The following LRRTM4 variants were observed in gnomAD, a reference collection of about 807,000 sequenced individuals.
The protein encoded by LRRTM4 is leucine-rich repeat transmembrane neuronal protein 4.
In LRRTM4, 25 loss-of-function variants were observed where a neutral mutation model predicts 47.6. The observed-to-expected ratio is 0.53, with a 90% CI of 0.38 to 0.73. The LOEUF (loss-of-function observed/expected upper bound fraction) is 0.73. LRRTM4 is among the 30% of genes least tolerant of loss of function. The pLI is 0.00. For synonymous variants in LRRTM4, 311 were observed against 269.5 expected (o/e 1.15, Z -1.51); for missense variants, 638 against 713.4 (o/e 0.89, Z 1.20).
chr2:77,513,086 T>C (rs1379523136), intron 3 of LRRTM4, among the ~76,000 whole-genome samples: 1 of 152,188 alleles, frequency 6.6e-6, no homozygotes, highest in Non-Finnish European at 1.5e-5. Flanking sequence ...TTTAAGTGCT[T>C]TCAAAATATC....
At chr2:77,250,931 C>T (rs1158024079) in intron 3 of LRRTM4, among the ~76,000 whole-genome samples, 1 of 151,924 alleles carries the variant, frequency 6.6e-6, no homozygotes, top group African/African-American at 2.4e-5. Flanking sequence ...TGGAGAAACC[C>T]CATCTCTACT....
At chr2:76,826,741 G>A (rs1248612467) in intron 3 of LRRTM4, among the ~76,000 whole-genome samples, 1 of 151,784 alleles carries the variant, frequency 6.6e-6, no homozygotes, top group East Asian at 1.9e-4. Flanking sequence ...CAGGAAATAT[G>A]GGCATCACAC....
chr2:77,150,041 A>C (rs1176785), intron 3 of LRRTM4, among the ~76,000 whole-genome samples: 67,960 of 151,884 alleles, frequency 0.45, 17,828 homozygotes, highest in African/African-American at 0.73. Flanking sequence ...TTTCTAGCTG[A>C]CTCTTGGAAG....
intron 3 of LRRTM4, among the ~76,000 whole-genome samples, chr2:76,990,145 G>C (rs1676952296): frequency 6.6e-6 from 1 of 151,634 alleles, no homozygotes; most frequent in Non-Finnish European, 1.5e-5. Flanking sequence ...CAGGGAAATT[G>C]TGAAAAAATA....
Position 76,819,293 on chromosome 2 carries a change from TGAGGAAACTGAATCATG to T in LRRTM4, c.1552-70394_1552-70378del, listed in dbSNP as rs1389030001. ...GTTAATATTTTTCTCATTATACAGA[TGAGGAAACTGAATCATG>T]GAGAAGTTACATTATTTGTCTACAG... is the stretch of plus-strand genomic sequence containing the variant. On this transcript the variant is annotated intron_variant, in intron 3 of 3. Coordinates refer to ENST00000409884, the MANE Select transcript of LRRTM4 (RefSeq NM_001134745.3). 9.9e-5 allele frequency among the ~76,000 whole-genome samples: 15 copies of T among 151,920 alleles called. No individual in the cohort carries two copies. The East Asian group carries it at 2.5e-3, about 25-fold the overall frequency.
chr2:77,367,973 CT>C (rs1399585537), intron 3 of LRRTM4, among the ~76,000 whole-genome samples: 34 of 151,676 alleles, frequency 2.2e-4, no homozygotes, highest in Admixed American at 1.1e-3. Flanking sequence ...TTTTAGGTGC[CT>C]TTTTTCATCG....
At chr2:77,049,857 A>G (rs1679370716) in intron 3 of LRRTM4, among the ~76,000 whole-genome samples, 1 of 151,934 alleles carries the variant, frequency 6.6e-6, no homozygotes, top group Non-Finnish European at 1.5e-5. Flanking sequence ...TGTTCATGAA[A>G]TCTTTGCCCA....
chr2:77,304,340 G>C (rs1334759304), intron 3 of LRRTM4, among the ~76,000 whole-genome samples: 4 of 152,028 alleles, frequency 2.6e-5, no homozygotes, highest in Non-Finnish European at 5.9e-5. Context: ...GATTTTGTTT[G>C]GATGTTAAGC....
chr2:76,807,473 T>TTAAATCAACTTTGGGG (rs1558667694), intron 3 of LRRTM4, among the ~76,000 whole-genome samples: 2 of 106,660 alleles, frequency 1.9e-5, no homozygotes, highest in African/African-American at 7.7e-5. Flanking sequence ...TATATATACA[T>TTAAATCAACTTTGGGG]ATATATATAT....
chr2:77,508,202 G>A (rs994534351), intron 3 of LRRTM4, among the ~76,000 whole-genome samples: 2 of 152,128 alleles, frequency 1.3e-5, no homozygotes, highest in African/African-American at 4.8e-5. Context: ...CTTCTCCAGC[G>A]AGATCTATAA....
chr2:76,797,140 A>T (rs1433059417), intron 3 of LRRTM4, among the ~76,000 whole-genome samples: 1 of 152,044 alleles, frequency 6.6e-6, no homozygotes, highest in African/African-American at 2.4e-5. Context: ...CCTCGAGAAG[A>T]GCTACTCCAA....
chr2:77,292,483 G>A (rs1237062263), intron 3 of LRRTM4, among the ~76,000 whole-genome samples: 1 of 151,610 alleles, frequency 6.6e-6, no homozygotes, highest in Non-Finnish European at 1.5e-5. Context: ...TTAAGAAAAT[G>A]TGGCACATCT....
At position 76,834,831 on chromosome 2, in the gene LRRTM4, T is replaced by A. The variant is rs139133414; in HGVS notation, c.1552-85915A>T. ...AGAAATACCAGGGCATATTATGTTA[T>A]GCAATAGTACTTGAATAAATGCCAA... On this transcript the variant is annotated intron_variant, in intron 3 of 3. Transcript: ENST00000409884. Among the ~76,000 whole-genome samples, 379 of 152,284 alleles carry A rather than the reference T, an allele frequency of 2.5e-3. 2 individuals are homozygous for A. The highest frequency in any genetic ancestry group is 8.7e-3 in the African/African-American group (363 of 41,578).
intron 3 of LRRTM4, among the ~76,000 whole-genome samples, chr2:77,510,102 A>G (rs1279352998): frequency 6.6e-6 from 1 of 152,186 alleles, no homozygotes; most frequent in Non-Finnish European, 1.5e-5. Flanking sequence ...GAAACAATTG[A>G]CAAGAGTGGT....
chr2:76,780,653 C>T (rs965456560), intron 3 of LRRTM4, among the ~76,000 whole-genome samples: 7 of 152,242 alleles, frequency 4.6e-5, no homozygotes, highest in South Asian at 2.1e-4. Flanking sequence ...TCTAGTAATA[C>T]ATTCTTCTAA....
In LRRTM4 at chr2:77,127,862, C is replaced by T. The variant is rs141426790; in HGVS notation, c.1552-378946G>A. Reference sequence around the variant, plus strand: ...CCTCAGAAACAAATGTTTTTTAAGCCGGCCAGGTGCAGTGGCTCACGCCTG... The same window carrying T: ...CCTCAGAAACAAATGTTTTTTAAGCTGGCCAGGTGCAGTGGCTCACGCCTG... On this transcript the variant is annotated intron_variant, in intron 3 of 3. Coordinates refer to ENST00000409884, the MANE Select transcript of LRRTM4 (RefSeq NM_001134745.3). 1.6e-3 allele frequency among the ~76,000 whole-genome samples: 241 copies of T among 152,054 alleles called. 2 individuals are homozygous for T. Among genetic ancestry groups the T allele is most frequent in the African/African-American group, 5.6e-3 (232 of 41,510 alleles).
intron 3 of LRRTM4, among the ~76,000 whole-genome samples, chr2:77,250,608 T>C (rs1369669025): frequency 6.6e-6 from 1 of 152,184 alleles, no homozygotes; most frequent in Non-Finnish European, 1.5e-5. Flanking sequence ...TGTACATATA[T>C]GCATTAATTG....
intron 3 of LRRTM4, among the ~76,000 whole-genome samples, chr2:77,500,896 A>G (rs1678548318): frequency 6.6e-6 from 1 of 151,548 alleles, no homozygotes; most frequent in Non-Finnish European, 1.5e-5. Context: ...AGATATATTG[A>G]GTGAAACAAA....
chr2:77,311,836 A>G (rs1251591162), intron 3 of LRRTM4, among the ~76,000 whole-genome samples: 2 of 152,186 alleles, frequency 1.3e-5, no homozygotes, highest in African/African-American at 4.8e-5. Context: ...TGGCTTTGTT[A>G]AAAAATAAAA....
Sources: gnomAD v4.1 joint callset for allele counts (sites outside exome capture counted in the v4.1 genomes callset) on GRCh38, gnomAD v4.1.1 for gene constraint, MANE v1.5 for transcripts, NCBI Gene and HGNC (gene_info 2026-07-23, HGNC 2026-07-21) for gene names.